The following CELSR1 variants were observed in gnomAD, a reference collection of about 807,000 sequenced individuals.
The protein encoded by CELSR1 is cadherin EGF LAG seven-pass G-type receptor 1.
A neutral mutation model predicts 249.1 loss-of-function variants in CELSR1; 110 were observed. The observed-to-expected ratio is 0.44, with a 90% CI of 0.38 to 0.52. The LOEUF (loss-of-function observed/expected upper bound fraction) is 0.52. CELSR1 is among the 20% of genes least tolerant of loss of function. The pLI is 0.00. For missense variants in CELSR1, 4,109 were observed against 4,296.4 expected (o/e 0.96, Z 1.22); for synonymous variants, 2,113 against 1,900.0 (o/e 1.11, Z -2.92).
Position 46,378,550 on chromosome 22 carries a change from G to A in CELSR1, c.7383+41C>T, listed in dbSNP as rs200635710. ...TTTGGGGGGGAGGGGCAGGTTTGGC[G>A]GTAGGCCCAGAGGGCACAGTGGCCA... On this transcript the variant is annotated intron_variant, in intron 23 of 34. Coordinates refer to ENST00000674500, the MANE Select transcript of CELSR1 (RefSeq NM_001378328.1). 5.2e-6 allele frequency: 8 copies of A among 1,531,046 alleles called. No individual in the cohort carries two copies. The East Asian group carries it at 9.9e-5, about 19-fold the overall frequency. The allele number at this position is 1,531,046 out of a possible 1,614,324, so 94.8% of individuals were successfully genotyped here. A position where few individuals can be genotyped will look rare whatever the true frequency, so the allele number is the denominator to read the frequency against.
chr22:46,467,655 T>C (rs998753390), intron 1 of CELSR1, among the ~76,000 whole-genome samples: 4 of 151,928 alleles, frequency 2.6e-5, no homozygotes, highest in Non-Finnish European at 5.9e-5. Context: ...ACCCCGTCTC[T>C]ACTAACAATA....
Position 46,364,500 on chromosome 22 carries a change from C to A in CELSR1, c.8779+12G>T. ...TCCAGCCTTTCACTGCAGCCCCGGCCTCCCCAGGCACCTTTCCTCTGCTCT... is the reference window on the plus strand; with the variant it reads ...TCCAGCCTTTCACTGCAGCCCCGGCATCCCCAGGCACCTTTCCTCTGCTCT... On this transcript the variant is annotated intron_variant, in intron 33 of 34. Transcript: ENST00000674500. 6.2e-7 allele frequency: 1 copy of A among 1,603,064 alleles called. No homozygotes were observed. The highest frequency in any genetic ancestry group is 8.5e-7 in the Non-Finnish European group (1 of 1,174,258).
At position 46,380,780 on chromosome 22, in the gene CELSR1, A is replaced by C; in HGVS notation, c.7256+8T>G. The C allele has an allele frequency of 6.2e-7, 1 of 1,610,556 alleles. No homozygotes were observed. ...GCCCTCACATGGGGCTCCTGGCGTCACACTTACGCCAGGGAGTGGTTCCAG... is the reference window on the plus strand; with the variant it reads ...GCCCTCACATGGGGCTCCTGGCGTCCCACTTACGCCAGGGAGTGGTTCCAG... On this transcript the variant is annotated splice_region_variant and intron_variant, in intron 22 of 34. Transcript: ENST00000674500. This position sits in a 1 kb window ranked among gnomAD's most constrained non-coding sequence, Gnocchi z 5.1.
At chr22:46,522,804 G>C (rs5768885) in intron 1 of CELSR1, among the ~76,000 whole-genome samples, 1 of 152,086 alleles carries the variant, frequency 6.6e-6, no homozygotes, top group African/African-American at 2.4e-5. Context: ...AGGTCCAGAG[G>C]GGGCCAGGCA....
intron 1 of CELSR1, among the ~76,000 whole-genome samples, chr22:46,487,460 C>T (rs2080323688): frequency 1.4e-5 from 2 of 143,028 alleles, no homozygotes; most frequent in South Asian, 4.8e-4. Context: ...GGGAAAACCA[C>T]AGTCCTGCCC....
At chr22:46,497,808 A>C (rs1292660684) in intron 1 of CELSR1, among the ~76,000 whole-genome samples, 1 of 152,144 alleles carries the variant, frequency 6.6e-6, no homozygotes, top group Non-Finnish European at 1.5e-5. Flanking sequence ...TTCTTTTCTA[A>C]TTCAACAGAC....
intron 2 of CELSR1, among the ~76,000 whole-genome samples, chr22:46,458,563 G>A (rs1233581163): frequency 1.3e-5 from 2 of 152,222 alleles, no homozygotes; most frequent in Non-Finnish European, 2.9e-5. Flanking sequence ...CTGAAATAAG[G>A]GATGGGGAGA....
Position 46,484,337 on chromosome 22 carries a change from G to C in CELSR1, c.3545-19992C>G, listed in dbSNP as rs2080294557. ...CTTCCACCAGCCCAGCCCAGCCCAT[G>C]GTGGCAGCTGCCTCGGGCCCAGCCC... On this transcript the variant is annotated intron_variant, in intron 1 of 34. Coordinates refer to ENST00000674500, the MANE Select transcript of CELSR1 (RefSeq NM_001378328.1). The surrounding 1 kb of genome is among the most constrained non-coding windows in gnomAD (Gnocchi z 4.5). Among the ~76,000 whole-genome samples, 1 of 152,172 alleles carries C rather than the reference G, an allele frequency of 6.6e-6. No homozygotes were observed. The highest frequency in any genetic ancestry group is 6.5e-5 in the Admixed American group (1 of 15,278).
intron 1 of CELSR1, among the ~76,000 whole-genome samples, chr22:46,491,637 C>CTCTTTTTT (rs56342032): frequency 7.3e-6 from 1 of 136,216 alleles, no homozygotes. Flanking sequence ...CTCTCTCTCT[C>CTCTTTTTT]TTTTTTTTTT....
chr22:46,362,999 G>C lies in CELSR1; in HGVS notation c.*224C>G, dbSNP rs574472744. 1.2e-6 allele frequency: 1 copy of C among 850,590 alleles called. No homozygotes were observed. Among genetic ancestry groups the C allele is most frequent in the South Asian group, 1.6e-5 (1 of 61,364 alleles). 52.7% of individuals were successfully genotyped at this position (850,590 alleles called of 1,614,324 possible). ...CTGTGGCCTTTGGCACTTGTCACCA[G>C]GTCTGACAGGCCCTGAGCTCCTGGG... On this transcript the variant is annotated 3_prime_UTR_variant, in exon 35 of 35. Transcript: ENST00000674500.
Position 46,391,276 on chromosome 22 carries a change from C to A in CELSR1, c.6160G>T (p.Gly2054Cys), listed in dbSNP as rs1303575493. The A allele has an allele frequency of 3.7e-6, 6 of 1,613,530 alleles. No individual in the cohort carries two copies. Among genetic ancestry groups the A allele is most frequent in the Admixed American group, 1.7e-5 (1 of 59,990 alleles). The part of the protein sequence containing the change: ...TTLGCEVIYN[G>C]CPKAFEAGIW... ...CCGGCCTCAAATGCTTTGGGACAGCCATTGTAGATCACTGGGGTAGAGAAG... is the reference window on the plus strand; with the variant it reads ...CCGGCCTCAAATGCTTTGGGACAGCAATTGTAGATCACTGGGGTAGAGAAG... Residue 2054 changes from glycine (G) to cysteine (C), a missense_variant, in exon 16 of 35, where the codon GGC (glycine) becomes TGC (cysteine). Coordinates refer to ENST00000674500, the MANE Select transcript of CELSR1 (RefSeq NM_001378328.1). The surrounding 1 kb of genome is among the most constrained non-coding windows in gnomAD (Gnocchi z 4.3).
In CELSR1 at chr22:46,374,631, C is replaced by T. The variant is rs985344044; in HGVS notation, c.7585-1574G>A. 6.6e-6 allele frequency among the ~76,000 whole-genome samples: 1 copy of T among 152,176 alleles called. No homozygotes were observed. The highest frequency in any genetic ancestry group is 2.4e-5 in the African/African-American group (1 of 41,458). On this transcript the variant is annotated intron_variant, in intron 24 of 34. Coordinates refer to ENST00000674500, the MANE Select transcript of CELSR1 (RefSeq NM_001378328.1). The surrounding 1 kb of genome is among the most constrained non-coding windows in gnomAD (Gnocchi z 4.3). ...CAGGCGACGAGTCAGTGTGGGAACC[C>T]AGGGGCCGCCTCAGTTTCGCTGGGG...
rs1454712332 is a variant in CELSR1, at chr22:46,488,115, T to TG, written c.3545-23771dup. ...GGAGGCACGGGGAGGGGTCCTGCCC[T>TG]GCACCTCAGTTTCAGGGGAGGGCTC... On this transcript the variant is annotated intron_variant, in intron 1 of 34. Coordinates refer to ENST00000674500, the MANE Select transcript of CELSR1 (RefSeq NM_001378328.1). This position sits in a 1 kb window ranked among gnomAD's most constrained non-coding sequence, Gnocchi z 4.7. 6.6e-6 allele frequency among the ~76,000 whole-genome samples: 1 copy of TG among 151,812 alleles called. No individual in the cohort carries two copies. The highest frequency in any genetic ancestry group is 1.5e-5 in the Non-Finnish European group (1 of 67,890).
At chr22:46,369,134 G>A in intron 27 of CELSR1, 45 bp downstream of exon 27, 1 of 1,590,976 alleles carries the variant, frequency 6.3e-7, no homozygotes, top group South Asian at 1.1e-5. Context: ...CGGGGTCTCA[G>A]GGCCCAGCCG....
In CELSR1 at chr22:46,490,525, G is replaced by A. The variant is rs576982934; in HGVS notation, c.3545-26180C>T. Among the ~76,000 whole-genome samples, 12 of 152,016 alleles carry A rather than the reference G, an allele frequency of 7.9e-5. No individual in the cohort carries two copies. The East Asian group carries it at 1.6e-3, about 20-fold the overall frequency. On this transcript the variant is annotated intron_variant, in intron 1 of 34. Transcript: ENST00000674500. The surrounding 1 kb of genome is among the most constrained non-coding windows in gnomAD (Gnocchi z 5.2). ...TGGTCTCGAACTCCTGACCGCAGGC[G>A]AGCCGCCCCCCTCCGCCTCCCAAAA... is the stretch of plus-strand genomic sequence containing the variant.
rs1020232761 is a variant in CELSR1, at chr22:46,430,529, C to G, written c.4611+2864G>C. Among the ~76,000 whole-genome samples the G allele has an allele frequency of 3.9e-5, 6 of 152,096 alleles. No homozygotes were observed. Among genetic ancestry groups the G allele is most frequent in the African/African-American group, 1.4e-4 (6 of 41,406 alleles). ...TCTCAACTGGTCATGGCCCTGGACA[C>G]CCCTCATCGTCCAGCCCCAACGCCT... is the stretch of plus-strand genomic sequence containing the variant. On this transcript the variant is annotated intron_variant, in intron 5 of 34. Transcript: ENST00000674500. This position sits in a 1 kb window ranked among gnomAD's most constrained non-coding sequence, Gnocchi z 4.6.
At chr22:46,438,211 A>G (rs1335591554) in intron 3 of CELSR1, among the ~76,000 whole-genome samples, 2 of 152,186 alleles carry the variant, frequency 1.3e-5, no homozygotes, top group African/African-American at 4.8e-5. Context: ...GGGGAAGGAG[A>G]AGGAAAGAAC....
intron 23 of CELSR1, among the ~76,000 whole-genome samples, chr22:46,378,059 C>A (rs2078937793): frequency 1.7e-5 from 1 of 58,038 alleles, no homozygotes; most frequent in Admixed American, 2.2e-4. Context: ...GGGCCATTCC[C>A]CAATTCATCT....
In CELSR1 at chr22:46,408,079, C is replaced by A. The variant is rs117110836; in HGVS notation, c.5226+917G>T. Among the ~76,000 whole-genome samples the A allele has an allele frequency of 1.3e-5, 2 of 152,022 alleles. No individual in the cohort carries two copies. Among genetic ancestry groups the A allele is most frequent in the Non-Finnish European group, 2.9e-5 (2 of 68,026 alleles). On this transcript the variant is annotated intron_variant, in intron 9 of 34. Coordinates refer to ENST00000674500, the MANE Select transcript of CELSR1 (RefSeq NM_001378328.1). The surrounding 1 kb of genome is among the most constrained non-coding windows in gnomAD (Gnocchi z 4.6). Reference sequence around the variant, plus strand: ...AACTGTTTCTCAAACAAAGTGTCTACGGAGCATGGAAGATGCGAGCAGAAA... The same window carrying A: ...AACTGTTTCTCAAACAAAGTGTCTAAGGAGCATGGAAGATGCGAGCAGAAA...
Sources: gnomAD v4.1 joint callset for allele counts (sites outside exome capture counted in the v4.1 genomes callset) on GRCh38, gnomAD v4.1.1 for gene constraint, Gnocchi (gnomAD v3.1) non-coding constraint, MANE v1.5 for transcripts, NCBI Gene and HGNC (gene_info 2026-07-23, HGNC 2026-07-21) for gene names.